The following DNAH14 variants were observed in gnomAD, a reference collection of about 807,000 sequenced individuals.
The protein encoded by DNAH14 is dynein axonemal heavy chain 14.
A neutral mutation model predicts 520.9 loss-of-function variants in DNAH14; 478 were observed. The ratio of observed to expected loss-of-function variants is 0.92; its 90% CI spans 0.85 to 0.99. The LOEUF is 0.99. Ranked by LOEUF, DNAH14 falls within the 50% of genes least tolerant of loss-of-function variation. The probability of loss-of-function intolerance (pLI) is 0.00; values close to 1 mark genes in which losing one functional copy is unlikely to be tolerated. For synonymous variants in DNAH14, 1,581 were observed against 1,757.2 expected (o/e 0.90, Z 2.51); for missense variants, 4,831 against 5,234.5 (o/e 0.92, Z 2.38).
chr1:225,318,772 T>A, intron 61 of DNAH14, 95 bp downstream of exon 61: 2 of 1,131,860 alleles, frequency 1.8e-6, no homozygotes, highest in Non-Finnish European at 2.5e-6. Flanking sequence ...GCCTATATAC[T>A]AAGCCTATAT....
At chr1:225,127,667 G>A (rs957027476) in intron 27 of DNAH14, among the ~76,000 whole-genome samples, 2 of 152,038 alleles carry the variant, frequency 1.3e-5, no homozygotes, top group African/African-American at 4.8e-5. Context: ...TATCCAATTT[G>A]CCAGTCTGTG....
chr1:225,178,326 C>A (rs959949720), intron 36 of DNAH14, among the ~76,000 whole-genome samples: 6 of 152,088 alleles, frequency 3.9e-5, no homozygotes, highest in Admixed American at 2.0e-4. Context: ...TGGGGAGAGG[C>A]AAAAGGCACT....
At chr1:225,149,229 G>A (rs1200308565) in intron 31 of DNAH14, among the ~76,000 whole-genome samples, 1 of 152,102 alleles carries the variant, frequency 6.6e-6, no homozygotes, top group Non-Finnish European at 1.5e-5. Flanking sequence ...AAGATCAGAT[G>A]GTTGTATGTG....
intron 54 of DNAH14, among the ~76,000 whole-genome samples, chr1:225,287,883 G>A (rs1241129645): frequency 6.6e-6 from 1 of 151,938 alleles, no homozygotes; most frequent in African/African-American, 2.4e-5. Context: ...GGCCAAAGCT[G>A]GAGCAAGAAA....
chr1:225,126,809 A>G (rs984666946), intron 27 of DNAH14, among the ~76,000 whole-genome samples: 4 of 151,622 alleles, frequency 2.6e-5, no homozygotes, highest in African/African-American at 9.7e-5. Context: ...TAGGGTGTCA[A>G]TTTTGGATCT....
chr1:224,990,497 A>G (rs1311561767), intron 8 of DNAH14, among the ~76,000 whole-genome samples: 1 of 152,118 alleles, frequency 6.6e-6, no homozygotes, highest in African/African-American at 2.4e-5. Context: ...GGTAAACACC[A>G]TCCTACTCCC....
intron 84 of DNAH14, among the ~76,000 whole-genome samples, chr1:225,392,825 G>T (rs745610673): frequency 6.6e-6 from 1 of 152,166 alleles, no homozygotes; most frequent in Non-Finnish European, 1.5e-5. Context: ...CCCAGCAACC[G>T]ACTTATTCCA....
At chr1:225,220,513 TAGAC>T (rs2089941478) in intron 41 of DNAH14, among the ~76,000 whole-genome samples, 1 of 151,436 alleles carries the variant, frequency 6.6e-6, no homozygotes. Context: ...ACACCAATAA[TAGAC>T]AAACAGCCAA....
At chr1:225,023,542 A>G (rs1026065598) in intron 10 of DNAH14, 73 bp from the exon 11 acceptor site, 1 of 1,283,748 alleles carries the variant, frequency 7.8e-7, no homozygotes. Context: ...TGATAAAAAA[A>G]ACTAAACTAG....
chr1:225,352,966 T>G (rs2095387327), intron 72 of DNAH14, among the ~76,000 whole-genome samples: 1 of 152,126 alleles, frequency 6.6e-6, no homozygotes, highest in Non-Finnish European at 1.5e-5. Context: ...AAGAGTCAGT[T>G]ACTTTTATTT....
chr1:225,119,613 A>G (rs947296709), intron 26 of DNAH14, among the ~76,000 whole-genome samples: 1 of 152,206 alleles, frequency 6.6e-6, no homozygotes, highest in Non-Finnish European at 1.5e-5. Context: ...TCTGCTCAGT[A>G]GGGCTCCCGT....
At position 225,335,433 on chromosome 1, in the gene DNAH14, A is replaced by G. The variant is rs1396094326; in HGVS notation, c.10081-1833A>G. ...TGTGTATGCACATATGCACGTGTGT[A>G]CATGTGTGTGTATGCACATATGCAC... On this transcript the variant is annotated intron_variant, in intron 66 of 85. Transcript: ENST00000682510. Among the ~76,000 whole-genome samples, 5 of 132,742 alleles carry G rather than the reference A, an allele frequency of 3.8e-5. 1 individual carries two copies. Among genetic ancestry groups the G allele is most frequent in the South Asian group, 2.3e-4 (1 of 4,356 alleles). The allele number at this position is 132,742 out of a possible 152,430, so 87.1% of individuals were successfully genotyped here. A position where few individuals can be genotyped will look rare whatever the true frequency, so the allele number is the denominator to read the frequency against.
chr1:225,301,143 T>A (rs1173000940), intron 56 of DNAH14, 113 bp downstream of exon 56: 1 of 1,211,206 alleles, frequency 8.3e-7, no homozygotes, highest in Non-Finnish European at 1.1e-6. Flanking sequence ...TTTATATGAG[T>A]TTTTAAGGTA....
At chr1:225,197,768 T>A (rs1194712269) in intron 38 of DNAH14, among the ~76,000 whole-genome samples, 1 of 152,184 alleles carries the variant, frequency 6.6e-6, no homozygotes, top group African/African-American at 2.4e-5. Context: ...TCATTAGGTA[T>A]ATTCCTAAGT....
chr1:225,312,655 AG>A (rs2094391934), intron 60 of DNAH14, among the ~76,000 whole-genome samples: 1 of 152,274 alleles, frequency 6.6e-6, no homozygotes, highest in East Asian at 1.9e-4. Context: ...TTAACATGAA[AG>A]GGTGTTGAAT....
In DNAH14 at chr1:225,102,569, T is replaced by C. The variant is rs554084571; in HGVS notation, c.3867+1685T>C. On this transcript the variant is annotated intron_variant, in intron 23 of 85. Transcript: ENST00000682510. ...CAGCACCTGTTGCTTCCTGACTTTT[T>C]AATGATCGCCATTCTAACTGGTGTG... Among the ~76,000 whole-genome samples the C allele has an allele frequency of 5.5e-3, 832 of 152,328 alleles. 2 individuals are homozygous for C. The highest frequency in any genetic ancestry group is 9.1e-3 in the Admixed American group (139 of 15,298).
intron 37 of DNAH14, among the ~76,000 whole-genome samples, chr1:225,188,194 T>C (rs1459653202): frequency 6.6e-6 from 1 of 151,916 alleles, no homozygotes; most frequent in Non-Finnish European, 1.5e-5. Flanking sequence ...CAGTTACTCA[T>C]GGTCAACTGT....
intron 31 of DNAH14, among the ~76,000 whole-genome samples, chr1:225,150,840 A>G (rs1355398736): frequency 1.3e-5 from 2 of 151,752 alleles, no homozygotes; most frequent in Non-Finnish European, 2.9e-5. Context: ...AGCAATTCTC[A>G]TGCTGGTATT....
chr1:225,238,576 C>T (rs2091762302), intron 42 of DNAH14, among the ~76,000 whole-genome samples: 1 of 152,148 alleles, frequency 6.6e-6, no homozygotes, highest in African/African-American at 2.4e-5. Context: ...GTTGGGAGGT[C>T]TCACCCAGTC....
Sources: gnomAD v4.1 joint callset for allele counts (sites outside exome capture counted in the v4.1 genomes callset) on GRCh38, gnomAD v4.1.1 for gene constraint, MANE v1.5 for transcripts, NCBI Gene and HGNC (gene_info 2026-07-23, HGNC 2026-07-21) for gene names.